ZBTB20: variants seen among roughly 807,000 people sequenced by gnomAD.
ZBTB20 encodes zinc finger and BTB domain containing 20.
ZBTB20 carries 9 observed loss-of-function variants against 56.9 expected under a neutral mutation model. That is an observed-to-expected ratio of 0.16 (90% CI 0.10 to 0.28). The LOEUF (loss-of-function observed/expected upper bound fraction) is 0.28. Ranked by LOEUF, ZBTB20 falls within the 10% of genes least tolerant of loss-of-function variation. The pLI is 1.00. For missense variants in ZBTB20, 655 were observed against 1,003.0 expected (o/e 0.65, Z 4.69); for synonymous variants, 417 against 420.7 (o/e 0.99, Z 0.11).
At chr3:114,344,176 T>C (rs552421262) in intron 11 of ZBTB20, among the ~76,000 whole-genome samples, 2 of 152,360 alleles carry the variant, frequency 1.3e-5, no homozygotes, top group Middle Eastern at 3.4e-3. Flanking sequence ...GGACTGCCTA[T>C]TGGGAACATG....
chr3:114,495,452 TACACAC>T (rs35156549), intron 7 of ZBTB20, among the ~76,000 whole-genome samples: 5 of 149,126 alleles, frequency 3.4e-5, no homozygotes, highest in African/African-American at 4.9e-5. Context: ...AGTCTGTGTA[TACACAC>T]ACACACACAC....
chr3:114,351,080 A>G lies in ZBTB20; in HGVS notation c.998T>C (p.Met333Thr). 2 of 1,606,966 alleles carry G rather than the reference A, an allele frequency of 1.2e-6. No homozygotes were observed. Among genetic ancestry groups the G allele is most frequent in the African/African-American group, 1.4e-5 (1 of 73,016 alleles). Reference sequence around the variant, plus strand: ...CCCGTAGTAGTCGTAATCGTCCTCCATCTCCTGCTTGATGTGGATGTTGCC... The same window carrying G: ...CCCGTAGTAGTCGTAATCGTCCTCCGTCTCCTGCTTGATGTGGATGTTGCC... ...LVGNIHIKQE[M>T]EDDYDYYGQQ... is the part of the protein sequence containing the mutation. The change falls in exon 11 of 12, where the codon ATG becomes ACG. Residue 333 changes from methionine (M) to threonine (T), a missense_variant. Met to Thr is a moderately conservative substitution (Grantham distance 81). Transcript: ENST00000675478.
At chr3:114,537,859 G>C (rs932837827) in intron 6 of ZBTB20, among the ~76,000 whole-genome samples, 12 of 151,938 alleles carry the variant, frequency 7.9e-5, no homozygotes, top group African/African-American at 1.5e-4. Flanking sequence ...GGAAACCATC[G>C]TTCTCAGTAA....
intron 7 of ZBTB20, among the ~76,000 whole-genome samples, chr3:114,426,247 G>T (rs1386646683): frequency 6.6e-6 from 1 of 150,462 alleles, no homozygotes. Flanking sequence ...GCTGAGGCAG[G>T]AGAATGGCGT....
chr3:114,437,333 C>T (rs890685552), intron 7 of ZBTB20, among the ~76,000 whole-genome samples: 1 of 152,122 alleles, frequency 6.6e-6, no homozygotes, highest in Non-Finnish European at 1.5e-5. Flanking sequence ...TGTTGCTCAA[C>T]AGGCGGTCAG....
chr3:114,635,769 C>A (rs566071346), intron 6 of ZBTB20, among the ~76,000 whole-genome samples: 4 of 151,686 alleles, frequency 2.6e-5, no homozygotes, highest in Admixed American at 6.6e-5. Flanking sequence ...AAAGAAAAAA[C>A]AAGGATGAAA....
chr3:115,062,979 T>C (rs2108483780), intron 2 of ZBTB20, among the ~76,000 whole-genome samples: 1 of 152,332 alleles, frequency 6.6e-6, no homozygotes, highest in East Asian at 1.9e-4. Context: ...AGTTTATCTG[T>C]CTTTTTCTAT....
At chr3:114,896,205 T>A (rs2074870810) in intron 4 of ZBTB20, among the ~76,000 whole-genome samples, 1 of 152,106 alleles carries the variant, frequency 6.6e-6, no homozygotes, top group Admixed American at 6.5e-5. Flanking sequence ...TAAGAACACA[T>A]GAAAATGGAA....
chr3:114,832,299 G>T (rs1330885491), intron 4 of ZBTB20, among the ~76,000 whole-genome samples: 1 of 151,952 alleles, frequency 6.6e-6, no homozygotes, highest in Non-Finnish European at 1.5e-5. Context: ...CAACAGAAGT[G>T]CAGGTTGGAC....
At chr3:115,090,290 A>T (rs2083138726) in intron 1 of ZBTB20, among the ~76,000 whole-genome samples, 1 of 151,872 alleles carries the variant, frequency 6.6e-6, no homozygotes, top group Non-Finnish European at 1.5e-5. Flanking sequence ...AAATCCGAAG[A>T]ATATCTTATG....
intron 5 of ZBTB20, among the ~76,000 whole-genome samples, chr3:114,700,711 AC>A (rs2063338234): frequency 6.6e-6 from 1 of 152,188 alleles, no homozygotes; most frequent in African/African-American, 2.4e-5. Context: ...AGACCTGCAC[AC>A]TAAAATTGTA....
At position 114,335,745 on chromosome 3, in the gene ZBTB20, T is replaced by C. The variant is rs546185959; in HGVS notation, c.*3260A>G. On this transcript the variant is annotated 3_prime_UTR_variant, in exon 12 of 12. Transcript: ENST00000675478. ...ATGCAAACCTGGCTGGTCCATTTTG[T>C]CATGGACTACAATGATTATATCACC... 6.6e-5 allele frequency: 10 copies of C among 152,202 alleles called. No homozygotes were observed. The highest frequency in any genetic ancestry group is 1.3e-4 in the Non-Finnish European group (9 of 68,034). The allele number at this position is 152,202 out of a possible 1,614,324, so 9.4% of individuals were successfully genotyped here.
At chr3:114,557,749 T>C (rs1196063741) in intron 6 of ZBTB20, among the ~76,000 whole-genome samples, 1 of 152,036 alleles carries the variant, frequency 6.6e-6, no homozygotes, top group Non-Finnish European at 1.5e-5. Flanking sequence ...TGTAATTGCA[T>C]ACTACACCAA....
chr3:114,754,572 A>G (rs1481164489), intron 5 of ZBTB20, among the ~76,000 whole-genome samples: 4 of 152,188 alleles, frequency 2.6e-5, no homozygotes, highest in Non-Finnish European at 5.9e-5. Flanking sequence ...GGCAATTCAT[A>G]GTTATCCTAG....
intron 4 of ZBTB20, chr3:114,874,267 A>C (rs1349644147): frequency 6.6e-6 from 1 of 152,228 alleles, no homozygotes; most frequent in Non-Finnish European, 1.5e-5. Flanking sequence ...TCACTAAACA[A>C]TCCTGAAATG....
chr3:114,506,503 A>G (rs1559884373), intron 6 of ZBTB20, among the ~76,000 whole-genome samples: 1 of 152,142 alleles, frequency 6.6e-6, no homozygotes, highest in African/African-American at 2.4e-5. Flanking sequence ...TGTTTAATAC[A>G]TTTAGGATGG....
Position 114,512,638 on chromosome 3 carries a change from A to G in ZBTB20, c.-294-12247T>C, listed in dbSNP as rs76407337. Among the ~76,000 whole-genome samples the G allele has an allele frequency of 3.9e-3, 596 of 152,300 alleles. 7 individuals carry two copies. The highest frequency in any genetic ancestry group is 0.013 in the African/African-American group (558 of 41,576). On this transcript the variant is annotated intron_variant, in intron 6 of 11. Transcript: ENST00000675478. ...ATCAACACAGCTAATTTTTATATAA[A>G]TGAGAAACCCCTTCTCCACTCCCAA...
At chr3:114,404,749 T>A (rs1451918869) in intron 7 of ZBTB20, among the ~76,000 whole-genome samples, 2 of 152,122 alleles carry the variant, frequency 1.3e-5, no homozygotes, top group African/African-American at 4.8e-5. Flanking sequence ...CCGGAGCTTA[T>A]ATCATATCCT....
At chr3:114,792,854 C>T (rs989454841) in intron 5 of ZBTB20, among the ~76,000 whole-genome samples, 1 of 147,338 alleles carries the variant, frequency 6.8e-6, no homozygotes, top group African/African-American at 2.5e-5. Context: ...TTTGAATTTT[C>T]AAAGTTTTTC....
Sources: allele counts gnomAD v4.1 joint callset (sites outside exome capture counted in the v4.1 genomes callset), GRCh38; gene constraint gnomAD v4.1.1; transcripts MANE v1.5; gene names NCBI Gene and HGNC (gene_info 2026-07-23, HGNC 2026-07-21).